The following RANBP3 variants were observed in gnomAD, a reference collection of about 807,000 sequenced individuals.
RANBP3 encodes ran-binding protein 3.
Under a neutral mutation model 77.3 loss-of-function variants are expected in RANBP3, and 14 were observed. The observed-to-expected ratio is 0.18, with a 90% CI of 0.12 to 0.28. The LOEUF is 0.28. RANBP3 is among the 10% of genes least tolerant of loss of function. The pLI is 1.00. For synonymous variants in RANBP3, 315 were observed against 312.4 expected, an observed-to-expected ratio of 1.01 and a Z score of -0.09; for missense variants, 586 against 752.3, an observed-to-expected ratio of 0.78 and a Z score of 2.59.
At position 5,921,368 on chromosome 19, in the gene RANBP3, T is replaced by C; in HGVS notation, c.1210-47A>G. ...TAAGCAGGGACCCCAGCTGGTGTCC[T>C]GCTGCAGCCACACCCTGAGAGTCGC... is the stretch of plus-strand genomic sequence containing the variant. On this transcript the variant is annotated intron_variant, in intron 13 of 16. Transcript: ENST00000340578. The surrounding 1 kb of genome is among the most constrained non-coding windows in gnomAD (Gnocchi z 5.3). 1 of 1,606,682 alleles carries C rather than the reference T, an allele frequency of 6.2e-7. No homozygotes were observed.
rs1229178372 is a variant in RANBP3 at position 5,952,322 on chromosome 19, C to T, written c.79-726G>A. 6.6e-6 allele frequency among the ~76,000 whole-genome samples: 1 copy of T among 152,138 alleles called. No individual in the cohort carries two copies. The highest frequency in any genetic ancestry group is 2.4e-5 in the African/African-American group (1 of 41,414). On this transcript the variant is annotated intron_variant, in intron 2 of 16. Coordinates refer to ENST00000340578, the MANE Select transcript of RANBP3 (RefSeq NM_007322.3). The surrounding 1 kb of genome is among the most constrained non-coding windows in gnomAD (Gnocchi z 4.1). ...AGGATTCTCCCAGGTGCATCCTCAA[C>T]ACCCCAGGCAAGGGCTCATTTGGAA...
rs1239613794 is a variant in RANBP3, at chr19:5,951,638, G to A, written c.79-42C>T. 9 of 1,562,566 alleles carry A rather than the reference G, an allele frequency of 5.8e-6. 1 individual carries two copies. Among genetic ancestry groups the A allele is most frequent in the African/African-American group, 4.1e-5 (3 of 73,956 alleles). On this transcript the variant is annotated intron_variant, in intron 2 of 16. Coordinates refer to ENST00000340578, the MANE Select transcript of RANBP3 (RefSeq NM_007322.3). ...CAATTTTCCTTCAATGTGAATAAAG[G>A]CTGCATCACACAGCAGGAAGGGCGG...
intron 3 of RANBP3, among the ~76,000 whole-genome samples, chr19:5,947,122 T>A (rs775904341): frequency 2.0e-5 from 3 of 151,992 alleles, no homozygotes; most frequent in Non-Finnish European, 4.4e-5. Flanking sequence ...GAGACCAGCC[T>A]GGCCAACATG....
At chr19:5,977,884 G>A (rs1039647718) in intron 1 of RANBP3, among the ~76,000 whole-genome samples, 177 bp downstream of exon 1, 6 of 152,168 alleles carry the variant, frequency 3.9e-5, no homozygotes, top group African/African-American at 1.4e-4. Context: ...GGGCCGGGCC[G>A]GTGAGCCCGG....
At chr19:5,976,783 G>C (rs1289905984) in intron 1 of RANBP3, among the ~76,000 whole-genome samples, 1 of 152,098 alleles carries the variant, frequency 6.6e-6, no homozygotes, top group African/African-American at 2.4e-5. Flanking sequence ...ATCAGGGAGA[G>C]AACCTGTGCT....
At chr19:5,976,820 G>A (rs1013107829) in intron 1 of RANBP3, among the ~76,000 whole-genome samples, 4 of 152,132 alleles carry the variant, frequency 2.6e-5, no homozygotes, top group Admixed American at 1.3e-4. Flanking sequence ...CCCAGCGCCC[G>A]CCCAACACCA....
At position 5,917,158 on chromosome 19, in the gene RANBP3, T is replaced by G; in HGVS notation, c.*452A>C. On this transcript the variant is annotated 3_prime_UTR_variant, in exon 17 of 17. Transcript: ENST00000340578. Reference sequence around the variant, plus strand: ...AAGCTGGGCGGGGGTCCCAGGCCTATAGTTGGGGAGCCCTGGGCAGGGGCA... The same window carrying G: ...AAGCTGGGCGGGGGTCCCAGGCCTAGAGTTGGGGAGCCCTGGGCAGGGGCA... The G allele has an allele frequency of 4.1e-5, 9 of 216,956 alleles. No individual in the cohort carries two copies. The highest frequency in any genetic ancestry group is 1.6e-4 in the East Asian group (1 of 6,286). 13.4% of individuals were successfully genotyped at this position (216,956 alleles called of 1,614,324 possible).
chr19:5,958,923 G>A lies in RANBP3; in HGVS notation c.23-950C>T, dbSNP rs908296924. On this transcript the variant is annotated intron_variant, in intron 1 of 16. Coordinates refer to ENST00000340578, the MANE Select transcript of RANBP3 (RefSeq NM_007322.3). The surrounding 1 kb of genome is among the most constrained non-coding windows in gnomAD (Gnocchi z 4.4). ...CTGCGGGCTGCGCACTGGTGCCTCC[G>A]CGTTGAGCAGGGTTTGGGAAGAGCC... Among the ~76,000 whole-genome samples, 4 of 152,248 alleles carry A rather than the reference G, an allele frequency of 2.6e-5. No homozygotes were observed. Among genetic ancestry groups the A allele is most frequent in the Non-Finnish European group, 5.9e-5 (4 of 68,038 alleles).
intron 1 of RANBP3, among the ~76,000 whole-genome samples, chr19:5,970,289 G>A (rs1323435600): frequency 6.6e-6 from 1 of 152,080 alleles, no homozygotes; most frequent in East Asian, 1.9e-4. Flanking sequence ...CAATAGATTA[G>A]ATGGCACAAA....
chr19:5,932,234 A>C (rs28676824), intron 7 of RANBP3, among the ~76,000 whole-genome samples: 3,311 of 152,266 alleles, frequency 0.022, 123 homozygotes, highest in African/African-American at 0.074. Context: ...GCTGTGAGGA[A>C]GCTGTGGAGC....
At chr19:5,969,972 G>A (rs1214168041) in intron 1 of RANBP3, among the ~76,000 whole-genome samples, 1 of 152,236 alleles carries the variant, frequency 6.6e-6, no homozygotes, top group African/African-American at 2.4e-5. Context: ...TCCTGGGTAG[G>A]TTCCTTTGAT....
At chr19:5,973,736 G>A (rs1048089791) in intron 1 of RANBP3, among the ~76,000 whole-genome samples, 1 of 152,218 alleles carries the variant, frequency 6.6e-6, no homozygotes, top group Non-Finnish European at 1.5e-5. Context: ...AGAGTGCACT[G>A]TAGTAAAAAC....
Position 5,951,599 on chromosome 19 carries a change from G to A in RANBP3, c.79-3C>T, listed in dbSNP as rs368364487. On this transcript the variant is annotated splice_polypyrimidine_tract_variant and splice_region_variant and intron_variant, in intron 2 of 16. Transcript: ENST00000340578. ...AAGTTTTTTTGCTCTGCAGGGGACT[G>A]GGAGCAAAAAAGACAATTTTCCTTC... 8.7e-6 allele frequency: 14 copies of A among 1,611,938 alleles called. No homozygotes were observed. Among genetic ancestry groups the A allele is most frequent in the Non-Finnish European group, 2.5e-6 (3 of 1,179,134 alleles).
In RANBP3 at chr19:5,941,793, C is replaced by T; in HGVS notation, c.319+6G>A. On this transcript the variant is annotated splice_donor_region_variant and intron_variant, in intron 4 of 16. Transcript: ENST00000340578. ...AGATGGTCAAAGGTGTTAGAGAGCT[C>T]CTTACCTTCTCCGCCTTCAGGACTG... 8 of 1,612,240 alleles carry T rather than the reference C, an allele frequency of 5.0e-6. No individual in the cohort carries two copies. Among genetic ancestry groups the T allele is most frequent in the Non-Finnish European group, 6.8e-6 (8 of 1,180,010 alleles).
chr19:5,939,345 C>T (rs1310611461), intron 5 of RANBP3, among the ~76,000 whole-genome samples: 5 of 152,312 alleles, frequency 3.3e-5, no homozygotes, highest in Middle Eastern at 6.8e-3. Flanking sequence ...CCTCATCTCA[C>T]GCCAGATCCC....
intron 16 of RANBP3, 67 bp downstream of exon 16, chr19:5,917,727 C>A: frequency 6.3e-7 from 1 of 1,588,804 alleles, no homozygotes; most frequent in East Asian, 2.3e-5. Context: ...GCCAGGAGAT[C>A]AGCACTGGAT....
At chr19:5,953,564 C>G (rs1381311095) in intron 2 of RANBP3, among the ~76,000 whole-genome samples, 1 of 152,168 alleles carries the variant, frequency 6.6e-6, no homozygotes, top group Non-Finnish European at 1.5e-5. Context: ...CAAAGCCTCC[C>G]CACTTCAGAT....
At chr19:5,960,261 G>C (rs902235982) in intron 1 of RANBP3, among the ~76,000 whole-genome samples, 4 of 152,194 alleles carry the variant, frequency 2.6e-5, no homozygotes, top group African/African-American at 4.8e-5. Flanking sequence ...TTTTGCTTAA[G>C]CCAGTTTGAG....
intron 14 of RANBP3, 88 bp from the exon 15 acceptor site, chr19:5,918,726 A>C: frequency 6.7e-7 from 1 of 1,500,240 alleles, no homozygotes; most frequent in Non-Finnish European, 9.1e-7. Flanking sequence ...GTCCAGATGG[A>C]AAGCGACATC....
Sources: allele counts gnomAD v4.1 joint callset (sites outside exome capture counted in the v4.1 genomes callset), GRCh38; gene constraint gnomAD v4.1.1; non-coding constraint Gnocchi (gnomAD v3.1); transcripts MANE v1.5; gene names NCBI Gene and HGNC (gene_info 2026-07-23, HGNC 2026-07-21).